ZBP1: variants seen among roughly 807,000 people sequenced by gnomAD.
ZBP1 encodes the protein Z-DNA binding protein 1.
Under a neutral mutation model 41.1 loss-of-function variants are expected in ZBP1, and 42 were observed. The observed-to-expected ratio is 1.02, with a 90% confidence interval of 0.80 to 1.32. The LOEUF is 1.32. ZBP1 is among the 40% of genes most tolerant of loss of function. The probability of loss-of-function intolerance (pLI) is 0.00; values close to 1 mark genes in which losing one functional copy is unlikely to be tolerated. For missense variants in ZBP1, 562 were observed against 549.7 expected, an observed-to-expected ratio of 1.02 and a Z score of -0.22; for synonymous variants, 214 against 205.2, an observed-to-expected ratio of 1.04 and a Z score of -0.37.
chr20:57,607,526 AAGC>A (rs1203632516), intron 7 of ZBP1, among the ~76,000 whole-genome samples: 1 of 152,270 alleles, frequency 6.6e-6, no homozygotes, highest in African/African-American at 2.4e-5. Context: ...CTAGTTGGTA[AAGC>A]AGCAGCAGGG....
Position 57,613,718 on chromosome 20 carries a change from G to A in ZBP1, c.503-388C>T, listed in dbSNP as rs570304293. ...ATGGCCGAGAAACAGCAGCCCATTG[G>A]GCCAGATCGGTCGTGTTTGGCTCCC... On this transcript the variant is annotated intron_variant, in intron 4 of 7. Coordinates refer to ENST00000371173, the MANE Select transcript of ZBP1 (RefSeq NM_030776.3). This position sits in a 1 kb window ranked among gnomAD's most constrained non-coding sequence, Gnocchi z 4.5. Among the ~76,000 whole-genome samples the A allele has an allele frequency of 6.6e-6, 1 of 152,316 alleles. No homozygotes were observed. The highest frequency in any genetic ancestry group is 2.1e-4 in the South Asian group (1 of 4,824).
chr20:57,604,170 G>T lies in ZBP1; in HGVS notation c.*403C>A, dbSNP rs1026163335. 1 of 348,882 alleles carries T rather than the reference G, an allele frequency of 2.9e-6. No homozygotes were observed. Among genetic ancestry groups the T allele is most frequent in the Non-Finnish European group, 5.6e-6 (1 of 177,442 alleles). 21.6% of individuals were successfully genotyped at this position (348,882 alleles called of 1,614,324 possible). A position where few individuals can be genotyped will look rare whatever the true frequency, so the allele number is the denominator to read the frequency against. On this transcript the variant is annotated 3_prime_UTR_variant, in exon 8 of 8. Transcript: ENST00000371173. ...TTACAGGCGTGAGCCACTGCACCCA[G>T]TTGGGATTATGTTTTGATATGAATT... is the stretch of plus-strand genomic sequence containing the variant.
Position 57,616,454 on chromosome 20 carries a change from T to C in ZBP1, c.49A>G (p.Arg17Gly). Reference sequence around the variant, plus strand: ...GCCTCTGTCAGCACCTGCAGGATTCTTTGTTCAAGGTGGCCTGGGGGAGCG... The same window carrying C: ...GCCTCTGTCAGCACCTGCAGGATTCCTTGTTCAAGGTGGCCTGGGGGAGCG... ...DPGREGHLEQ[R>G]ILQVLTEAGS... is the part of the protein sequence containing the mutation. Residue 17 changes from arginine (R) to glycine (G), a missense_variant, in exon 2 of 8, where the codon AGA becomes GGA. Transcript: ENST00000371173. The C allele has an allele frequency of 1.2e-6, 2 of 1,613,586 alleles. No individual in the cohort carries two copies. Among genetic ancestry groups the C allele is most frequent in the Non-Finnish European group, 1.7e-6 (2 of 1,179,928 alleles).
Position 57,614,875 on chromosome 20 carries a change from C to G in ZBP1, c.502+12G>C. ...CCCTCTGCAGCCCAGACACAGGCAG[C>G]CGGGGGCCTACCTGGGCGGTAAATC... is the stretch of plus-strand genomic sequence containing the variant. On this transcript the variant is annotated intron_variant, in intron 4 of 7. Coordinates refer to ENST00000371173, the MANE Select transcript of ZBP1 (RefSeq NM_030776.3). 1 of 1,613,800 alleles carries G rather than the reference C, an allele frequency of 6.2e-7. No homozygotes were observed. The highest frequency in any genetic ancestry group is 1.7e-4 in the Middle Eastern group (1 of 6,058).
In ZBP1 at chr20:57,604,309, G is replaced by A. The variant is rs373882574; in HGVS notation, c.*264C>T. On this transcript the variant is annotated 3_prime_UTR_variant, in exon 8 of 8. Transcript: ENST00000371173. ...GAGAGTCCCCTGGGCCTGGGGGACC[G>A]AGCCCCACTCCCATCTACCCACCTC... The A allele has an allele frequency of 9.2e-5, 57 of 620,238 alleles. 1 individual carries two copies. In the East Asian group the frequency reaches 1.2e-3, roughly 13 times the overall value. The allele number at this position is 620,238 out of a possible 1,614,324, so 38.4% of individuals were successfully genotyped here. A position where few individuals can be genotyped will look rare whatever the true frequency, so the allele number is the denominator to read the frequency against.
intron 5 of ZBP1, chr20:57,612,802 GA>G: frequency 1.4e-6 from 1 of 727,410 alleles, no homozygotes; most frequent in Non-Finnish European, 1.8e-6. Context: ...TCCGCGGAGG[GA>G]AAGGCAATTG....
At chr20:57,616,946 G>A (rs2070853778) in intron 1 of ZBP1, 2 of 185,176 alleles carry the variant, frequency 1.1e-5, no homozygotes, top group African/African-American at 4.7e-5. Flanking sequence ...ATCCATCCAT[G>A]GCGCCACTAT....
rs144812372 is a variant in ZBP1, at chr20:57,613,801, C to T, written c.503-471G>A. Among the ~76,000 whole-genome samples the T allele has an allele frequency of 5.0e-3, 755 of 152,310 alleles. 7 individuals carry two copies. Among genetic ancestry groups the T allele is most frequent in the African/African-American group, 0.017 (721 of 41,564 alleles). ...TGTTTAAAATCTGGTGGCTGTCACG[C>T]GTTATTCCTTCCTCACAGCAGCCCT... On this transcript the variant is annotated intron_variant, in intron 4 of 7. Transcript: ENST00000371173. This position sits in a 1 kb window ranked among gnomAD's most constrained non-coding sequence, Gnocchi z 4.5.
Position 57,610,086 on chromosome 20 carries a change from G to C in ZBP1, c.1093+63C>G. 6.7e-7 allele frequency: 1 copy of C among 1,501,120 alleles called. No homozygotes were observed. Among genetic ancestry groups the C allele is most frequent in the South Asian group, 1.1e-5 (1 of 87,264 alleles). The allele number at this position is 1,501,120 out of a possible 1,614,324, so 93.0% of individuals were successfully genotyped here. On this transcript the variant is annotated intron_variant, in intron 7 of 7. Transcript: ENST00000371173. The surrounding 1 kb of genome is among the most constrained non-coding windows in gnomAD (Gnocchi z 5.5). ...GAATGATCGATGAGAGTGAATGAAT[G>C]AATGAGTGGAAGGTGGGGAGAGAGA...
Position 57,619,659 on chromosome 20 carries a change from C to T in ZBP1, c.34+603G>A, listed in dbSNP as rs980404375. ...GTGTTCAGACGCTAACACCAGCGTT[C>T]GCCAGCTGTGTTACCCTGAGAGTGT... On this transcript the variant is annotated intron_variant, in intron 1 of 7. Coordinates refer to ENST00000371173, the MANE Select transcript of ZBP1 (RefSeq NM_030776.3). 2.0e-5 allele frequency among the ~76,000 whole-genome samples: 3 copies of T among 152,118 alleles called. No homozygotes were observed. The South Asian group carries it at 6.2e-4, about 31-fold the overall frequency.
In ZBP1 at chr20:57,611,121, G is replaced by T. The variant is rs548426228; in HGVS notation, c.874+606C>A. Among the ~76,000 whole-genome samples the T allele has an allele frequency of 3.9e-5, 6 of 152,252 alleles. No individual in the cohort carries two copies. In the South Asian group the frequency reaches 1.2e-3, roughly 32 times the overall value. On this transcript the variant is annotated intron_variant, in intron 6 of 7. Transcript: ENST00000371173. Reference sequence around the variant, plus strand: ...TCCATCCTCCCTAAACACCATTCCAGTCTCAAACCATCACCCTGCTCCAGT... The same window carrying T: ...TCCATCCTCCCTAAACACCATTCCATTCTCAAACCATCACCCTGCTCCAGT...
intron 6 of ZBP1, among the ~76,000 whole-genome samples, chr20:57,611,315 G>A (rs575551802): frequency 4.0e-5 from 6 of 151,418 alleles, no homozygotes; most frequent in Admixed American, 6.6e-5. Context: ...TGCGATCTCC[G>A]TTTACTGCAA....
At position 57,613,912 on chromosome 20, in the gene ZBP1, C is replaced by G. The variant is rs962996637; in HGVS notation, c.503-582G>C. ...GAGGCAGGCACCTGCCCAGACTGTGCGGGGCCCATCACCACCCTCCAGGGT... is the reference window on the plus strand; with the variant it reads ...GAGGCAGGCACCTGCCCAGACTGTGGGGGGCCCATCACCACCCTCCAGGGT... On this transcript the variant is annotated intron_variant, in intron 4 of 7. Coordinates refer to ENST00000371173, the MANE Select transcript of ZBP1 (RefSeq NM_030776.3). This position sits in a 1 kb window ranked among gnomAD's most constrained non-coding sequence, Gnocchi z 4.5. Among the ~76,000 whole-genome samples the G allele has an allele frequency of 6.6e-6, 1 of 151,608 alleles. No homozygotes were observed. The highest frequency in any genetic ancestry group is 1.5e-5 in the Non-Finnish European group (1 of 67,698).
At chr20:57,612,947 A>G (rs995996031) in intron 5 of ZBP1, 55 of 1,367,286 alleles carry the variant, frequency 4.0e-5, no homozygotes, top group South Asian at 5.8e-5. Flanking sequence ...AAAATGAGGT[A>G]GAAAGTATCA....
In ZBP1 at chr20:57,615,014, G is replaced by A; in HGVS notation, c.375C>T (p.Ala125=). The A allele has an allele frequency of 6.2e-7, 1 of 1,614,220 alleles. No individual in the cohort carries two copies. Among genetic ancestry groups the A allele is most frequent in the Non-Finnish European group, 8.5e-7 (1 of 1,180,050 alleles). The change falls in exon 4 of 8, where the codon GCC becomes GCT. Residue 125 remains alanine, a synonymous_variant. Transcript: ENST00000371173. ...RFLKDNGPQR[A]LVIAQALGMR... Reference sequence around the variant, plus strand: ...TTCCCAGTGCTTGGGCGATGACCAGGGCCCTCTGGGGACCATTGTCTTTGA... The same window carrying A: ...TTCCCAGTGCTTGGGCGATGACCAGAGCCCTCTGGGGACCATTGTCTTTGA...
rs1241099611 is a variant in ZBP1 at position 57,604,475 on chromosome 20, G to C, written c.*98C>G. On this transcript the variant is annotated 3_prime_UTR_variant, in exon 8 of 8. Coordinates refer to ENST00000371173, the MANE Select transcript of ZBP1 (RefSeq NM_030776.3). ...GCAGGTTATGTCTGGAAGCAAGCAG[G>C]TCAAACAAGACGCTAAGGAATGCAG... 13 of 1,468,306 alleles carry C rather than the reference G, an allele frequency of 8.9e-6. No individual in the cohort carries two copies. Among genetic ancestry groups the C allele is most frequent in the Non-Finnish European group, 1.2e-5 (13 of 1,051,504 alleles). 91.0% of individuals were successfully genotyped at this position (1,468,306 alleles called of 1,614,324 possible).
At chr20:57,619,169 G>A (rs1181074511) in intron 1 of ZBP1, among the ~76,000 whole-genome samples, 4 of 152,256 alleles carry the variant, frequency 2.6e-5, no homozygotes, top group Non-Finnish European at 5.9e-5. Context: ...CGAAGAGGAA[G>A]CTCCACAGGA....
chr20:57,615,885 G>T, intron 2 of ZBP1: 1 of 530,476 alleles, frequency 1.9e-6, no homozygotes, highest in Non-Finnish European at 3.3e-6. Context: ...TTCTGGCTGT[G>T]GGCTGTAAAG....
chr20:57,607,455 T>C (rs1431664260), intron 7 of ZBP1, among the ~76,000 whole-genome samples: 1 of 152,260 alleles, frequency 6.6e-6, no homozygotes, highest in East Asian at 1.9e-4. Context: ...CATCTATTCC[T>C]GGTGAAGATA....
Sources: gnomAD v4.1 joint callset for allele counts (sites outside exome capture counted in the v4.1 genomes callset) on GRCh38, gnomAD v4.1.1 for gene constraint, Gnocchi (gnomAD v3.1) non-coding constraint, MANE v1.5 for transcripts, NCBI Gene and HGNC (gene_info 2026-07-23, HGNC 2026-07-21) for gene names.